LOC128092252: variants seen among roughly 807,000 people sequenced by gnomAD.
chr15:50,664,915 A>G, the LOC128092252 span, among the ~76,000 whole-genome samples: 1 of 152,214 alleles, frequency 6.6e-6, no homozygotes, highest in Non-Finnish European at 1.5e-5. Context: ...CAGTAAGCCA[A>G]GATCACACCA....
the LOC128092252 span, among the ~76,000 whole-genome samples, chr15:50,676,420 A>G: frequency 6.6e-6 from 1 of 152,104 alleles, no homozygotes; most frequent in East Asian, 1.9e-4. Flanking sequence ...TAAATTCTGG[A>G]CAAAAGATAA....
the LOC128092252 span, among the ~76,000 whole-genome samples, chr15:50,673,025 A>G: frequency 6.6e-6 from 1 of 151,506 alleles, no homozygotes; most frequent in Non-Finnish European, 1.5e-5. Context: ...TAAAATGTTT[A>G]CAAATCTGTT....
chr15:50,656,014 A>C, the LOC128092252 span, among the ~76,000 whole-genome samples: 7 of 152,068 alleles, frequency 4.6e-5, no homozygotes, highest in African/African-American at 1.4e-4. Context: ...AAAAACAAAA[A>C]AAAAAAACCC....
At chr15:50,648,907 A>G in the LOC128092252 span, 10 of 1,570,946 alleles carry the variant, frequency 6.4e-6, no homozygotes, top group African/African-American at 1.4e-5. Flanking sequence ...AGGTGAGATT[A>G]AAACACCCTT....
At chr15:50,678,517 A>T in the LOC128092252 span, among the ~76,000 whole-genome samples, 1,203 of 132,638 alleles carry the variant, frequency 9.1e-3, 6 homozygotes, top group African/African-American at 0.02. Context: ...AAAAAAAAAA[A>T]ATATATATAT....
At chr15:50,679,511 AAT>A in the LOC128092252 span, among the ~76,000 whole-genome samples, 2,105 of 75,216 alleles carry the variant, frequency 0.028, 43 homozygotes, top group Middle Eastern at 0.08. Context: ...GTATATATAT[AAT>A]ATATATATAT....
At chr15:50,682,136 C>T in the LOC128092252 span, among the ~76,000 whole-genome samples, 3 of 131,576 alleles carry the variant, frequency 2.3e-5, no homozygotes, top group African/African-American at 5.9e-5. Flanking sequence ...CGACATCGCG[C>T]CACCGCAAGC....
chr15:50,666,085 A>G, the LOC128092252 span, among the ~76,000 whole-genome samples: 1 of 152,226 alleles, frequency 6.6e-6, no homozygotes, highest in African/African-American at 2.4e-5. Context: ...AAGGAAAGAA[A>G]TAAAATTAAA....
chr15:50,674,893 A>G, the LOC128092252 span, among the ~76,000 whole-genome samples: 1 of 152,170 alleles, frequency 6.6e-6, no homozygotes, highest in Non-Finnish European at 1.5e-5. Flanking sequence ...GTTTTTTCCA[A>G]GAGCTGGAAA....
At chr15:50,674,675 G>C in the LOC128092252 span, among the ~76,000 whole-genome samples, 2 of 152,004 alleles carry the variant, frequency 1.3e-5, no homozygotes, top group African/African-American at 4.8e-5. Context: ...TAGCAACCTT[G>C]TCTTTCAGCT....
the LOC128092252 span, among the ~76,000 whole-genome samples, chr15:50,664,747 G>C: frequency 6.6e-6 from 1 of 152,106 alleles, no homozygotes; most frequent in African/African-American, 2.4e-5. Flanking sequence ...GATGGCTTGA[G>C]TCTGTGAGTT....
the LOC128092252 span, among the ~76,000 whole-genome samples, chr15:50,684,363 T>C: frequency 1.3e-5 from 2 of 151,984 alleles, no homozygotes; most frequent in East Asian, 3.9e-4. Flanking sequence ...GAGTAGAAGC[T>C]GGGCAAAGTG....
the LOC128092252 span, among the ~76,000 whole-genome samples, chr15:50,679,536 A>ATTT: frequency 2.0e-5 from 1 of 48,956 alleles, no homozygotes; most frequent in African/African-American, 1.4e-4. Context: ...ATATATATAT[A>ATTT]TATTTTTTTT....
chr15:50,650,705 A>AC, the LOC128092252 span, among the ~76,000 whole-genome samples: 1 of 151,716 alleles, frequency 6.6e-6, no homozygotes, highest in African/African-American at 2.4e-5. Flanking sequence ...AAAAAAAACA[A>AC]AAAAAAACAA....
the LOC128092252 span, among the ~76,000 whole-genome samples, chr15:50,684,678 A>G: frequency 0.03 from 4,598 of 152,188 alleles, 249 homozygotes; most frequent in African/African-American, 0.11. Context: ...CAGAGGAGAA[A>G]GAAACATGTT....
At chr15:50,668,331 G>T in the LOC128092252 span, among the ~76,000 whole-genome samples, 5 of 152,072 alleles carry the variant, frequency 3.3e-5, no homozygotes, top group Non-Finnish European at 5.9e-5. Flanking sequence ...TGCTTAAAAC[G>T]TCGCTGATCC....
chr15:50,648,824 A>AAAT, the LOC128092252 span: 2 of 1,613,188 alleles, frequency 1.2e-6, no homozygotes, highest in Admixed American at 3.3e-5. Context: ...ACATCTGAGT[A>AAAT]TTTCATGGCA....
the LOC128092252 span, among the ~76,000 whole-genome samples, chr15:50,660,386 T>C: frequency 6.6e-6 from 1 of 152,096 alleles, no homozygotes; most frequent in Non-Finnish European, 1.5e-5. Context: ...TAAATAAATG[T>C]ATACCAGGCA....
At chr15:50,654,413 C>T in the LOC128092252 span, among the ~76,000 whole-genome samples, 6 of 151,080 alleles carry the variant, frequency 4.0e-5, 1 homozygote, top group Non-Finnish European at 8.9e-5. Context: ...CAGCACTGCA[C>T]TCCAGCCTGG....
Sources: allele counts gnomAD v4.1 joint callset (sites outside exome capture counted in the v4.1 genomes callset), GRCh38; gene constraint gnomAD v4.1.1; transcripts MANE v1.5.